The following ITSN2 variants were observed in gnomAD, a reference collection of about 807,000 sequenced individuals.
ITSN2 encodes intersectin 2, also known as intersectin-2.
A neutral mutation model predicts 243.7 loss-of-function variants in ITSN2; 156 were observed. The observed-to-expected ratio is 0.64, with a 90% CI of 0.56 to 0.73. The LOEUF (loss-of-function observed/expected upper bound fraction) is 0.73. Ranked by LOEUF, ITSN2 falls within the 30% of genes least tolerant of loss-of-function variation. The pLI, the probability that ITSN2 is intolerant of heterozygous loss-of-function variation, is 0.00. For missense variants in ITSN2, 1,801 were observed against 1,996.1 expected, an observed-to-expected ratio of 0.90 and a Z score of 1.86; for synonymous variants, 703 against 699.9, an observed-to-expected ratio of 1.00 and a Z score of -0.07.
chr2:24,347,172 C>T (rs1397941330), intron 1 of ITSN2, among the ~76,000 whole-genome samples: 2 of 151,852 alleles, frequency 1.3e-5, no homozygotes, highest in Non-Finnish European at 2.9e-5. Context: ...AGAAATTTAT[C>T]TTAAGAAAAT....
At chr2:24,250,252 A>T (rs1194198116) in intron 25 of ITSN2, among the ~76,000 whole-genome samples, 1 of 152,236 alleles carries the variant, frequency 6.6e-6, no homozygotes, top group East Asian at 1.9e-4. Flanking sequence ...TTTTTACTTC[A>T]AAGAACCAAC....
rs961510523 is a variant in ITSN2 at position 24,255,503 on chromosome 2, CTGTAA to C, written c.2889-1077_2889-1073del. On this transcript the variant is annotated intron_variant, in intron 23 of 39. Coordinates refer to ENST00000355123, the MANE Select transcript of ITSN2 (RefSeq NM_006277.3). ...ATTAGCCCGGTGTGGTGGTGCATTC[CTGTAA>C]TCCCAGTTACTTGGGAGGTTGAAGC... Among the ~76,000 whole-genome samples, 13 of 151,508 alleles carry C rather than the reference CTGTAA, an allele frequency of 8.6e-5. 1 individual carries two copies. Among genetic ancestry groups the C allele is most frequent in the Admixed American group, 7.2e-4 (11 of 15,190 alleles).
chr2:24,216,695 T>C (rs1350603806), intron 31 of ITSN2, among the ~76,000 whole-genome samples: 4 of 151,758 alleles, frequency 2.6e-5, no homozygotes, highest in African/African-American at 9.7e-5. Flanking sequence ...TCAAGTTGGG[T>C]GCAGTGAGCT....
chr2:24,268,757 TAAAAAAA>T (rs34246892), intron 20 of ITSN2, among the ~76,000 whole-genome samples: 1 of 142,898 alleles, frequency 7.0e-6, no homozygotes. Flanking sequence ...CAGCCAACTT[TAAAAAAA>T]AAAAAAACTT....
chr2:24,356,916 A>AAC (rs966488888), intron 1 of ITSN2, among the ~76,000 whole-genome samples: 3 of 152,004 alleles, frequency 2.0e-5, no homozygotes, highest in Admixed American at 6.6e-5. Context: ...AAAAAAAAAA[A>AAC]CACAATGAGA....
At chr2:24,353,571 G>C (rs1688200466) in intron 1 of ITSN2, among the ~76,000 whole-genome samples, 1 of 152,212 alleles carries the variant, frequency 6.6e-6, no homozygotes, top group African/African-American at 2.4e-5. Flanking sequence ...CTGGGCAACA[G>C]AGCCAGACCC....
intron 37 of ITSN2, 72 bp from the exon 38 acceptor site, chr2:24,205,369 T>C (rs896298375): frequency 2.3e-6 from 3 of 1,282,616 alleles, no homozygotes; most frequent in African/African-American, 2.9e-5. Flanking sequence ...AAACCAACCA[T>C]AACACTACCG....
intron 1 of ITSN2, among the ~76,000 whole-genome samples, chr2:24,358,144 G>A (rs1042259895): frequency 6.6e-6 from 1 of 152,146 alleles, no homozygotes; most frequent in African/African-American, 2.4e-5. Context: ...CTCCTGACCT[G>A]GTGATCCGCC....
At chr2:24,250,726 T>C (rs1673977577) in intron 25 of ITSN2, among the ~76,000 whole-genome samples, 1 of 152,122 alleles carries the variant, frequency 6.6e-6, no homozygotes, top group East Asian at 1.9e-4. Context: ...AGTTTTAGTG[T>C]GGTAGAATAA....
chr2:24,341,038 T>C (rs1687001100), intron 1 of ITSN2, among the ~76,000 whole-genome samples: 1 of 152,142 alleles, frequency 6.6e-6, no homozygotes, highest in South Asian at 2.1e-4. Context: ...AGAAGAGGTA[T>C]TTCAAAGGTA....
intron 18 of ITSN2, among the ~76,000 whole-genome samples, chr2:24,274,063 A>G (rs1275494124): frequency 6.6e-6 from 1 of 152,238 alleles, no homozygotes; most frequent in Non-Finnish European, 1.5e-5. Context: ...CCTGAAAGGA[A>G]TTGTGAACAC....
intron 20 of ITSN2, among the ~76,000 whole-genome samples, chr2:24,268,322 TC>T (rs1325620940): frequency 2.0e-5 from 3 of 152,204 alleles, no homozygotes; most frequent in African/African-American, 7.2e-5. Context: ...CCTGACTTCA[TC>T]TTCTACTTCA....
rs562891760 is a variant in ITSN2 at position 24,294,231 on chromosome 2, G to C, written c.1636-456C>G. ...ACTTGAGGTCAGGAGTTCAAGACCA[G>C]CCTGGTCAACATGGTGAAACCCCGT... On this transcript the variant is annotated intron_variant, in intron 14 of 39. Transcript: ENST00000355123. Among the ~76,000 whole-genome samples, 22 of 152,272 alleles carry C rather than the reference G, an allele frequency of 1.4e-4. No homozygotes were observed. The South Asian group carries it at 4.6e-3, about 32-fold the overall frequency.
chr2:24,261,960 A>G (rs1467303895), intron 20 of ITSN2, among the ~76,000 whole-genome samples: 2 of 34,174 alleles, frequency 5.9e-5, no homozygotes, highest in African/African-American at 2.3e-4. Flanking sequence ...AATATTTTAC[A>G]AAGACAAATA....
rs549449339 is a variant in ITSN2 at position 24,228,719 on chromosome 2, G to A, written c.3578-7653C>T. Among the ~76,000 whole-genome samples, 10 of 152,272 alleles carry A rather than the reference G, an allele frequency of 6.6e-5. No homozygotes were observed. The South Asian group carries it at 1.5e-3, about 22-fold the overall frequency. On this transcript the variant is annotated intron_variant, in intron 29 of 39. Coordinates refer to ENST00000355123, the MANE Select transcript of ITSN2 (RefSeq NM_006277.3). ...AGAAACAAAGAAACTTGATCAGTGC[G>A]ACAGAAGTCCCTGTGTCAGCAGAAC...
chr2:24,285,044 A>G (rs530712931), intron 16 of ITSN2, among the ~76,000 whole-genome samples: 4 of 151,912 alleles, frequency 2.6e-5, no homozygotes, highest in South Asian at 4.2e-4. Flanking sequence ...CTACAGGCGC[A>G]TGCCACTACG....
chr2:24,281,212 T>C (rs939873286), intron 17 of ITSN2, among the ~76,000 whole-genome samples: 2 of 152,174 alleles, frequency 1.3e-5, no homozygotes. Flanking sequence ...GTATTTTTAG[T>C]AGAGACGGGG....
rs187763831 is a variant in ITSN2, at chr2:24,304,305, C to G, written c.794-443G>C. 9.2e-4 allele frequency among the ~76,000 whole-genome samples: 140 copies of G among 152,326 alleles called. No homozygotes were observed. In the Middle Eastern group the frequency reaches 0.027, roughly 30 times the overall value. On this transcript the variant is annotated intron_variant, in intron 8 of 39. Coordinates refer to ENST00000355123, the MANE Select transcript of ITSN2 (RefSeq NM_006277.3). ...CAAGGCCTGTCCAAAACAACTCTTA[C>G]ACAAGAGATTACATCTGCCAACACT...
intron 2 of ITSN2, among the ~76,000 whole-genome samples, chr2:24,324,057 C>T (rs191791075): frequency 1.3e-5 from 2 of 152,022 alleles, no homozygotes; most frequent in African/African-American, 4.8e-5. Context: ...GTGGTGAAAC[C>T]CCATCTCTAC....
Sources: allele counts gnomAD v4.1 joint callset (sites outside exome capture counted in the v4.1 genomes callset), GRCh38; gene constraint gnomAD v4.1.1; transcripts MANE v1.5; gene names NCBI Gene and HGNC (gene_info 2026-07-23, HGNC 2026-07-21).